LRRC4C: variants seen among roughly 807,000 people sequenced by gnomAD.
The protein encoded by LRRC4C is leucine-rich repeat-containing protein 4C.
Under a neutral mutation model 33.6 loss-of-function variants are expected in LRRC4C, and 5 were observed. That is an observed-to-expected ratio of 0.15 (90% CI 0.08 to 0.31). The LOEUF (loss-of-function observed/expected upper bound fraction) is 0.31. Ranked by LOEUF, LRRC4C falls within the 10% of genes least tolerant of loss-of-function variation. The pLI is 1.00. For missense variants in LRRC4C, 560 were observed against 796.7 expected, an observed-to-expected ratio of 0.70 and a Z score of 3.58; for synonymous variants, 329 against 302.0, an observed-to-expected ratio of 1.09 and a Z score of -0.93.
chr11:40,132,225 AG>A, intron 6 of LRRC4C, among the ~76,000 whole-genome samples: 1 of 152,328 alleles, frequency 6.6e-6, no homozygotes, highest in South Asian at 2.1e-4. Flanking sequence ...GTGTTTAGCA[AG>A]TACATTTACA....
chr11:40,128,140 T>C (rs1856392306), intron 6 of LRRC4C, among the ~76,000 whole-genome samples: 1 of 152,170 alleles, frequency 6.6e-6, no homozygotes, highest in South Asian at 2.1e-4. Context: ...GAGCTGCACC[T>C]TCCTAAGTAG....
rs992051605 is a variant in LRRC4C at position 41,060,104 on chromosome 11, T to C, written c.-495-126381A>G. Among the ~76,000 whole-genome samples, 9 of 152,182 alleles carry C rather than the reference T, an allele frequency of 5.9e-5. No individual in the cohort carries two copies. In the East Asian group the frequency reaches 1.5e-3, roughly 26 times the overall value. The stretch of plus-strand genomic sequence containing the variant: ...GATCCTCAGTTGGCTTATATGCACA[T>C]TAAAGTTTGAGATGCCTTGTCCTGA... On this transcript the variant is annotated intron_variant, in intron 1 of 6. Transcript: ENST00000528697.
intron 1 of LRRC4C, among the ~76,000 whole-genome samples, chr11:41,016,669 C>G (rs1043034928): frequency 6.6e-6 from 1 of 150,412 alleles, no homozygotes; most frequent in Non-Finnish European, 1.5e-5. Context: ...CAAGGCCATA[C>G]TCTGGGTATT....
chr11:40,805,449 G>C (rs1308978542), intron 2 of LRRC4C, among the ~76,000 whole-genome samples: 1 of 152,078 alleles, frequency 6.6e-6, no homozygotes, highest in Non-Finnish European at 1.5e-5. Flanking sequence ...AGATTGATTT[G>C]AGTCACTTTT....
chr11:41,355,730 C>A (rs1268227004), intron 1 of LRRC4C, among the ~76,000 whole-genome samples: 1 of 151,942 alleles, frequency 6.6e-6, no homozygotes, highest in Non-Finnish European at 1.5e-5. Context: ...TGTACAGTAT[C>A]CATTTTTGGG....
chr11:40,476,342 CTTT>C (rs71308392), intron 3 of LRRC4C, among the ~76,000 whole-genome samples: 4 of 81,368 alleles, frequency 4.9e-5, no homozygotes, highest in African/African-American at 8.9e-5. Flanking sequence ...TTTTTTTCTT[CTTT>C]TTTTTTTTTT....
chr11:41,425,873 G>T (rs545340886), intron 1 of LRRC4C, among the ~76,000 whole-genome samples: 2 of 152,192 alleles, frequency 1.3e-5, no homozygotes, highest in East Asian at 3.9e-4. Flanking sequence ...AATCGGGAGT[G>T]AGCACGTGGG....
intron 2 of LRRC4C, among the ~76,000 whole-genome samples, chr11:40,824,960 C>T (rs776815950): frequency 4.6e-5 from 7 of 151,944 alleles, no homozygotes; most frequent in Middle Eastern, 3.4e-3. Context: ...TGAGTTGGTC[C>T]CTGCTTCTAA....
intron 3 of LRRC4C, among the ~76,000 whole-genome samples, chr11:40,368,380 A>T (rs76963150): frequency 0.031 from 4,752 of 152,254 alleles, 230 homozygotes; most frequent in African/African-American, 0.1. Context: ...ACATGAGATC[A>T]TCTGTGGGAG....
chr11:40,194,385 T>C (rs1862079522), intron 5 of LRRC4C, among the ~76,000 whole-genome samples: 1 of 152,260 alleles, frequency 6.6e-6, no homozygotes, highest in African/African-American at 2.4e-5. Flanking sequence ...TAAAATCTTT[T>C]CCAGACAAGC....
intron 1 of LRRC4C, among the ~76,000 whole-genome samples, chr11:40,937,270 CAT>C (rs1470502136): frequency 1.6e-5 from 2 of 126,324 alleles, no homozygotes; most frequent in African/African-American, 6.0e-5. Context: ...ACATTGAGCA[CAT>C]AGAGACAAAA....
At chr11:41,344,150 TC>T (rs1737762414) in intron 1 of LRRC4C, among the ~76,000 whole-genome samples, 1 of 150,974 alleles carries the variant, frequency 6.6e-6, no homozygotes, top group Non-Finnish European at 1.5e-5. Context: ...ACATCCCCAT[TC>T]CCCATGTCTT....
intron 1 of LRRC4C, among the ~76,000 whole-genome samples, chr11:41,269,735 T>C (rs911752298): frequency 2.0e-5 from 3 of 152,108 alleles, no homozygotes; most frequent in Admixed American, 2.0e-4. Context: ...CACCCTCCTT[T>C]ATAATAATTT....
At position 40,114,730 on chromosome 11, in the gene LRRC4C, C is replaced by T; in HGVS notation, c.1563G>A (p.Glu521=). ...DINSGIPGID[E]VMKTTKIIIG... is the part of the protein sequence containing the mutation. ...TGATGATTTTGGTAGTCTTCATGAC[C>T]TCATCAATTCCTGGGATCCCACTGT... is the stretch of plus-strand genomic sequence containing the variant. Residue 521 remains glutamate, a synonymous_variant, in exon 7 of 7, where the codon GAG becomes GAA. Transcript: ENST00000528697. The T allele has an allele frequency of 3.7e-6, 6 of 1,614,132 alleles. No individual in the cohort carries two copies. Among genetic ancestry groups the T allele is most frequent in the South Asian group, 1.1e-5 (1 of 91,082 alleles).
At chr11:40,529,845 G>A (rs1046665603) in intron 3 of LRRC4C, among the ~76,000 whole-genome samples, 1 of 152,048 alleles carries the variant, frequency 6.6e-6, no homozygotes, top group Non-Finnish European at 1.5e-5. Context: ...CTTGACATTG[G>A]AGAACTTGAT....
intron 5 of LRRC4C, among the ~76,000 whole-genome samples, chr11:40,147,878 T>C (rs1857873567): frequency 6.6e-6 from 1 of 152,100 alleles, no homozygotes; most frequent in Non-Finnish European, 1.5e-5. Flanking sequence ...GTTATTTTTC[T>C]TGATCCTCTC....
chr11:40,333,286 T>C lies in LRRC4C; in HGVS notation c.-269-13565A>G, dbSNP rs1418464845. Among the ~76,000 whole-genome samples the C allele has an allele frequency of 2.6e-5, 4 of 152,338 alleles. No homozygotes were observed. In the East Asian group the frequency reaches 7.7e-4, roughly 29 times the overall value. On this transcript the variant is annotated intron_variant, in intron 3 of 6. Transcript: ENST00000528697. ...TATATTCATTCATATTATTTAATTA[T>C]ACATACACATATTTGTGAGATGCTA...
At chr11:41,050,131 A>C (rs1378356646) in intron 1 of LRRC4C, among the ~76,000 whole-genome samples, 1 of 152,166 alleles carries the variant, frequency 6.6e-6, no homozygotes, top group African/African-American at 2.4e-5. Context: ...TGAGAAGGGG[A>C]GAATACAGTG....
At chr11:40,813,370 C>G (rs977410815) in intron 2 of LRRC4C, among the ~76,000 whole-genome samples, 6 of 152,108 alleles carry the variant, frequency 3.9e-5, no homozygotes, top group African/African-American at 1.4e-4. Context: ...GGGCAGAGAG[C>G]TTGTGCAGGG....
Sources: gnomAD v4.1 joint callset for allele counts (sites outside exome capture counted in the v4.1 genomes callset) on GRCh38, gnomAD v4.1.1 for gene constraint, MANE v1.5 for transcripts, NCBI Gene and HGNC (gene_info 2026-07-23, HGNC 2026-07-21) for gene names.